Variants in TLL2 observed in about 807,000 individuals in gnomAD.
The protein encoded by TLL2 is tolloid like 2, also known as tolloid-like protein 2.
Under a neutral mutation model 123.0 loss-of-function variants are expected in TLL2, and 106 were observed. That is an observed-to-expected ratio of 0.86 (90% CI 0.74 to 1.01). The LOEUF is 1.01. Ranked by LOEUF, TLL2 falls within the 50% of genes least tolerant of loss-of-function variation. TLL2 has a pLI of 0.00. For missense variants in TLL2, 1,332 were observed against 1,336.7 expected, an observed-to-expected ratio of 1.00 and a Z score of 0.06; for synonymous variants, 494 against 516.8, an observed-to-expected ratio of 0.96 and a Z score of 0.60.
At chr10:96,413,001 C>A (rs1214060210) in intron 8 of TLL2, among the ~76,000 whole-genome samples, 191 bp downstream of exon 8, 1 of 152,224 alleles carries the variant, frequency 6.6e-6, no homozygotes, top group Non-Finnish European at 1.5e-5. Context: ...ACCTATTATT[C>A]TCTTCACTGC....
At chr10:96,477,578 G>A (rs1294054722) in intron 2 of TLL2, among the ~76,000 whole-genome samples, 3 of 152,180 alleles carry the variant, frequency 2.0e-5, no homozygotes, top group Non-Finnish European at 4.4e-5. Flanking sequence ...TAATAATGAG[G>A]AGGAAGCAGA....
At chr10:96,396,897 C>G (rs1017796847) in intron 11 of TLL2, among the ~76,000 whole-genome samples, 1 of 152,178 alleles carries the variant, frequency 6.6e-6, no homozygotes, top group Non-Finnish European at 1.5e-5. Flanking sequence ...CTAGATCCCC[C>G]CAATACCGTC....
intron 9 of TLL2, among the ~76,000 whole-genome samples, chr10:96,406,733 C>T (rs11817712): frequency 6.6e-6 from 1 of 152,138 alleles, no homozygotes; most frequent in Non-Finnish European, 1.5e-5. Flanking sequence ...CTCCTCTGCC[C>T]TTCCCGCTCC....
chr10:96,480,276 G>T, intron 2 of TLL2, 73 bp downstream of exon 2: 2 of 1,247,958 alleles, frequency 1.6e-6, no homozygotes, highest in African/African-American at 1.5e-5. Flanking sequence ...GATGACTCGT[G>T]GACCACATCT....
At chr10:96,445,286 C>T (rs1056103320) in intron 3 of TLL2, among the ~76,000 whole-genome samples, 3 of 152,224 alleles carry the variant, frequency 2.0e-5, no homozygotes, top group African/African-American at 4.8e-5. Flanking sequence ...GCAGGCCAGA[C>T]GGGAAGTCCA....
At chr10:96,424,375 G>A (rs1422891212) in intron 5 of TLL2, among the ~76,000 whole-genome samples, 1 of 152,154 alleles carries the variant, frequency 6.6e-6, no homozygotes, top group African/African-American at 2.4e-5. Context: ...CATTCTCCAT[G>A]ATGTGATTAT....
At chr10:96,477,210 A>G (rs1411319252) in intron 2 of TLL2, among the ~76,000 whole-genome samples, 1 of 151,832 alleles carries the variant, frequency 6.6e-6, no homozygotes, top group Non-Finnish European at 1.5e-5. Context: ...ATAAAAACAC[A>G]CTAGAAAAAA....
chr10:96,433,926 C>A (rs1489483197), intron 3 of TLL2, among the ~76,000 whole-genome samples: 1 of 152,088 alleles, frequency 6.6e-6, no homozygotes, highest in African/African-American at 2.4e-5. Flanking sequence ...CAGGCGGAAG[C>A]CATCATGCCT....
In TLL2 at chr10:96,461,958, G is replaced by C. The variant is rs796193787; in HGVS notation, c.287-15790C>G. Reference sequence around the variant, plus strand: ...AAGACGCTCTACTCCTTAAGAACTGGAGCAACATCCTCTGCATCTCCACCC... The same window carrying C: ...AAGACGCTCTACTCCTTAAGAACTGCAGCAACATCCTCTGCATCTCCACCC... On this transcript the variant is annotated intron_variant, in intron 2 of 20. Transcript: ENST00000357947. Among the ~76,000 whole-genome samples, 61 of 152,280 alleles carry C rather than the reference G, an allele frequency of 4.0e-4. 1 individual carries two copies. The Middle Eastern group carries it at 0.014, about 34-fold the overall frequency.
intron 2 of TLL2, among the ~76,000 whole-genome samples, chr10:96,476,216 T>A (rs1428323252): frequency 1.5e-4 from 5 of 33,330 alleles, no homozygotes; most frequent in Non-Finnish European, 1.9e-4. Flanking sequence ...CTTTTTAATT[T>A]TATATGTATA....
chr10:96,497,336 A>G (rs1847487481), intron 1 of TLL2, among the ~76,000 whole-genome samples: 1 of 152,120 alleles, frequency 6.6e-6, no homozygotes, highest in African/African-American at 2.4e-5. Flanking sequence ...CAGATACTAA[A>G]AATATTTCAG....
In TLL2 at chr10:96,422,666, A is replaced by G. The variant is rs1846637066; in HGVS notation, c.700T>C (p.Cys234Arg). ...TGAGCCACAATGCCAAACTTGTCAC[A>G]GTTCTTCCCAATGGATATGGCCTGT... is the stretch of plus-strand genomic sequence containing the variant. ...GPQAISIGKN[C>R]DKFGIVAHEL... The change falls in exon 6 of 21, where the codon TGT (cysteine) becomes CGT (arginine). Residue 234 changes from cysteine to arginine, a missense_variant. Cys to Arg is a radical substitution (Grantham distance 180). Transcript: ENST00000357947. 1.2e-6 allele frequency: 2 copies of G among 1,614,126 alleles called. No homozygotes were observed. The highest frequency in any genetic ancestry group is 1.3e-5 in the African/African-American group (1 of 74,942).
intron 14 of TLL2, 106 bp downstream of exon 14, chr10:96,386,847 G>T (rs1385595606): frequency 6.6e-7 from 1 of 1,514,100 alleles, no homozygotes; most frequent in Non-Finnish European, 9.1e-7. Context: ...TCTGCCCATT[G>T]CCCATCGTTC....
chr10:96,405,310 C>G lies in TLL2; in HGVS notation c.1189G>C (p.Asp397His). 1 of 1,614,156 alleles carries G rather than the reference C, an allele frequency of 6.2e-7. No individual in the cohort carries two copies. Among genetic ancestry groups the G allele is most frequent in the Non-Finnish European group, 8.5e-7 (1 of 1,180,022 alleles). The change falls in exon 10 of 21, where the codon GAT becomes CAT. Residue 397 changes from aspartate (D) to histidine (H), a missense_variant. Transcript: ENST00000357947. The stretch of plus-strand genomic sequence containing the variant: ...CAGCACAGTCGGCTTTTAAACAAAT[C>G]CATGGATGTGAAGTTTAATACGATC... ...EKIVLNFTSM[D>H]LFKSRLCWYD...
chr10:96,428,267 A>T (rs758857546), intron 5 of TLL2, among the ~76,000 whole-genome samples: 19 of 152,256 alleles, frequency 1.2e-4, no homozygotes, highest in Middle Eastern at 3.2e-3. Flanking sequence ...GCAAAATTTT[A>T]CATACATATT....
In TLL2 at chr10:96,513,861, G is replaced by A. The variant is rs1589441356; in HGVS notation, c.-176C>T. The A allele has an allele frequency of 1.5e-6, 1 of 674,612 alleles. No individual in the cohort carries two copies. Among genetic ancestry groups the A allele is most frequent in the Non-Finnish European group, 2.2e-6 (1 of 445,934 alleles). The allele number at this position is 674,612 out of a possible 1,614,324, so 41.8% of individuals were successfully genotyped here. ...GCGCGGCGCCCCCTGTCTTCGTCGA[G>A]GCAACCGGGAAGCAGCCGCTCGGAG... On this transcript the variant is annotated 5_prime_UTR_variant, in exon 1 of 21. Transcript: ENST00000357947.
At chr10:96,371,238 T>C (rs903966611) in intron 19 of TLL2, among the ~76,000 whole-genome samples, 1 of 151,932 alleles carries the variant, frequency 6.6e-6, no homozygotes, top group Non-Finnish European at 1.5e-5. Context: ...GGAGCATCTC[T>C]TGAACCTGGG....
intron 7 of TLL2, among the ~76,000 whole-genome samples, chr10:96,417,626 G>T (rs1272373074): frequency 6.6e-6 from 1 of 152,186 alleles, no homozygotes; most frequent in African/African-American, 2.4e-5. Context: ...TAAGAGGCTT[G>T]CAGCTTCCCC....
intron 3 of TLL2, among the ~76,000 whole-genome samples, chr10:96,441,762 A>G (rs4919021): frequency 0.91 from 137,945 of 152,142 alleles, 63,896 homozygotes; most frequent in Non-Finnish European, 1. Flanking sequence ...ATGGCTACGA[A>G]AGTCTGCATT....
Sources: gnomAD v4.1 joint callset for allele counts (sites outside exome capture counted in the v4.1 genomes callset) on GRCh38, gnomAD v4.1.1 for gene constraint, MANE v1.5 for transcripts, NCBI Gene and HGNC (gene_info 2026-07-23, HGNC 2026-07-21) for gene names.